The following DNAH10 variants were observed in gnomAD, a reference collection of about 807,000 sequenced individuals.
DNAH10 encodes the protein dynein axonemal heavy chain 10.
Under a neutral mutation model 506.6 loss-of-function variants are expected in DNAH10, and 348 were observed. The observed-to-expected ratio is 0.69, with a 90% CI of 0.63 to 0.75. The LOEUF is 0.75. Among genes scored for constraint, DNAH10 ranks in the 30% least tolerant of loss-of-function variants. The pLI is 0.00. For missense variants in DNAH10, 5,179 were observed against 5,787.1 expected (o/e 0.89, Z 3.41); for synonymous variants, 2,059 against 2,198.6 (o/e 0.94, Z 1.78).
chr12:123,823,955 A>G (rs986011018), intron 24 of DNAH10, among the ~76,000 whole-genome samples: 3 of 152,150 alleles, frequency 2.0e-5, no homozygotes, highest in Non-Finnish European at 4.4e-5. Flanking sequence ...GTTAAGGGAC[A>G]TTTCATCACC....
intron 45 of DNAH10, 25 bp from the exon 46 acceptor site, chr12:123,873,533 T>C (rs772277348): frequency 6.3e-7 from 1 of 1,580,096 alleles, no homozygotes; most frequent in Non-Finnish European, 8.6e-7. Context: ...AAGCTGGCTT[T>C]TCACATCATC....
At position 123,926,742 on chromosome 12, in the gene DNAH10, T is replaced by C; in HGVS notation, c.12027T>C (p.Asp4009=). 1.2e-6 allele frequency: 2 copies of C among 1,613,992 alleles called. No homozygotes were observed. The highest frequency in any genetic ancestry group is 1.7e-6 in the Non-Finnish European group (2 of 1,179,886). Residue 4009 remains aspartate (D), a synonymous_variant, in exon 69 of 79, where the codon GAT becomes GAC. Coordinates refer to ENST00000673944, the MANE Select transcript of DNAH10 (RefSeq NM_001372106.1). This position sits in a 1 kb window ranked among gnomAD's most constrained non-coding sequence, Gnocchi z 4.1. ...ILSPGSDPAT[D]LMKLAERSGF... is the part of the protein sequence containing the mutation. ...GTCCTGGCTCCGACCCTGCCACTGA[T>C]CTTATGAAATTAGCAGAGCGAAGTG...
rs569207200 is a variant in DNAH10, at chr12:123,919,582, C to T, written c.11506+633C>T. On this transcript the variant is annotated intron_variant, in intron 65 of 78. Coordinates refer to ENST00000673944, the MANE Select transcript of DNAH10 (RefSeq NM_001372106.1). This position sits in a 1 kb window ranked among gnomAD's most constrained non-coding sequence, Gnocchi z 4.9. ...GGCTCCGGAACGTTTCCACCAGCCC[C>T]GAAATGAAATCCCATACCCATTAGC... Among the ~76,000 whole-genome samples the T allele has an allele frequency of 5.3e-5, 8 of 152,284 alleles. No individual in the cohort carries two copies. Among genetic ancestry groups the T allele is most frequent in the South Asian group, 2.1e-4 (1 of 4,832 alleles).
At position 123,934,767 on chromosome 12, in the gene DNAH10, G is replaced by A. The variant is rs775331029; in HGVS notation, c.13623+1G>A. On this transcript the variant is annotated splice_donor_variant, in intron 78 of 78. Coordinates refer to ENST00000673944, the MANE Select transcript of DNAH10 (RefSeq NM_001372106.1). LOFTEE classifies it high-confidence loss of function. ...TGAAGCCCATCGCCTCAAGCTGCAG[G>A]TGAAGGTCCCAGCCCCTCCTCTCTG... The A allele has an allele frequency of 6.2e-7, 1 of 1,613,432 alleles. No homozygotes were observed. The highest frequency in any genetic ancestry group is 1.3e-5 in the African/African-American group (1 of 75,036).
chr12:123,852,576 CT>C (rs10713531), intron 35 of DNAH10, among the ~76,000 whole-genome samples: 6,621 of 141,884 alleles, frequency 0.047, 161 homozygotes, highest in Non-Finnish European at 0.067. Flanking sequence ...CATTTACAGC[CT>C]TTTTTTTTTT....
At chr12:123,910,286 C>T (rs372385801) in intron 58 of DNAH10, among the ~76,000 whole-genome samples, 4 of 152,184 alleles carry the variant, frequency 2.6e-5, no homozygotes, top group East Asian at 1.9e-4. Context: ...GTCTCCGTTA[C>T]GCCCTGGGTC....
At chr12:123,794,401 G>T (rs1007070609) in intron 12 of DNAH10, among the ~76,000 whole-genome samples, 11 of 152,170 alleles carry the variant, frequency 7.2e-5, no homozygotes, top group Admixed American at 5.2e-4. Context: ...CATGTCCAAG[G>T]ATCATATATG....
At chr12:123,781,929 T>A (rs2136022400) in intron 6 of DNAH10, among the ~76,000 whole-genome samples, 1 of 152,258 alleles carries the variant, frequency 6.6e-6, no homozygotes, top group Middle Eastern at 3.4e-3. Context: ...TGATGGGCCT[T>A]TGTGTGGAAT....
At chr12:123,826,443 A>G (rs1323527544) in intron 24 of DNAH10, among the ~76,000 whole-genome samples, 1 of 152,208 alleles carries the variant, frequency 6.6e-6, no homozygotes, top group Non-Finnish European at 1.5e-5. Context: ...GGGAAGATGT[A>G]TTTCTGGATC....
chr12:123,849,499 G>A (rs1417522724), intron 34 of DNAH10, among the ~76,000 whole-genome samples: 1 of 152,194 alleles, frequency 6.6e-6, no homozygotes, highest in African/African-American at 2.4e-5. Flanking sequence ...TGGCCCAGAA[G>A]GGGATTCTCT....
intron 51 of DNAH10, among the ~76,000 whole-genome samples, chr12:123,883,782 TAG>T (rs895130543): frequency 6.6e-6 from 1 of 151,938 alleles, no homozygotes; most frequent in Non-Finnish European, 1.5e-5. Context: ...TTATTCCATT[TAG>T]AGAGAGAGAG....
At position 123,775,512 on chromosome 12, in the gene DNAH10, T is replaced by C. The variant is rs150807367; in HGVS notation, c.621+1248T>C. On this transcript the variant is annotated intron_variant, in intron 5 of 78. Transcript: ENST00000673944. Reference sequence around the variant, plus strand: ...TAGGGAAGGAAGGAAGAGGTGATATTGAACTGAGACCCAAATGAGGCCAAG... The same window carrying C: ...TAGGGAAGGAAGGAAGAGGTGATATCGAACTGAGACCCAAATGAGGCCAAG... Among the ~76,000 whole-genome samples the C allele has an allele frequency of 4.6e-3, 693 of 152,300 alleles. 5 individuals are homozygous for C. The highest frequency in any genetic ancestry group is 0.016 in the African/African-American group (656 of 41,556).
In DNAH10 at chr12:123,838,589, A is replaced by T; in HGVS notation, c.5036A>T (p.Lys1679Met). ...QKSLNDYLDS[K>M]RNAFPRFFFI... ...AGCCTCAACGACTACTTAGATTCGA[A>T]GAGAAATGCTTTCCCAAGGTTCTTC... Residue 1679 changes from lysine to methionine, a missense_variant, in exon 29 of 79, where the codon AAG (lysine) becomes ATG (methionine). Lys to Met is a moderately conservative substitution (Grantham distance 95, BLOSUM62 -1). Transcript: ENST00000673944. 6.2e-7 allele frequency: 1 copy of T among 1,614,034 alleles called. No individual in the cohort carries two copies. The highest frequency in any genetic ancestry group is 8.5e-7 in the Non-Finnish European group (1 of 1,179,892).
At chr12:123,808,089 G>A (rs1411806229) in intron 18 of DNAH10, among the ~76,000 whole-genome samples, 1 of 152,172 alleles carries the variant, frequency 6.6e-6, no homozygotes, top group Admixed American at 6.5e-5. Flanking sequence ...CTGGAGTGCA[G>A]TGGCATGTTC....
rs916802093 is a variant in DNAH10 at position 123,928,096 on chromosome 12, G to A, written c.12106-291G>A. The stretch of plus-strand genomic sequence containing the variant: ...GCTCAGGAGTCCTCAGGGGACAGGA[G>A]CGACTGTGTGGGAGGAGCTGGGACT... On this transcript the variant is annotated intron_variant, in intron 69 of 78. Coordinates refer to ENST00000673944, the MANE Select transcript of DNAH10 (RefSeq NM_001372106.1). The surrounding 1 kb of genome is among the most constrained non-coding windows in gnomAD (Gnocchi z 4.9). 44 of 533,518 alleles carry A rather than the reference G, an allele frequency of 8.2e-5. No homozygotes were observed. The highest frequency in any genetic ancestry group is 8.0e-4 in the African/African-American group (42 of 52,690). 33.0% of individuals were successfully genotyped at this position (533,518 alleles called of 1,614,324 possible).
rs1457322519 is a variant in DNAH10 at position 123,893,402 on chromosome 12, G to A, written c.9165G>A (p.Gly3055=). The A allele has an allele frequency of 6.2e-7, 1 of 1,613,208 alleles. No individual in the cohort carries two copies. The highest frequency in any genetic ancestry group is 8.5e-7 in the Non-Finnish European group (1 of 1,179,900). ...LHIVLGMSPV[G]DTLRTWCRNF... Reference sequence around the variant, plus strand: ...TTGTCCTGGGCATGTCGCCAGTGGGGGACACCCTGAGGACCTGGTGCAGAA... The same window carrying A: ...TTGTCCTGGGCATGTCGCCAGTGGGAGACACCCTGAGGACCTGGTGCAGAA... Residue 3055 remains glycine (G), a synonymous_variant, in exon 53 of 79, where the codon GGG becomes GGA. Transcript: ENST00000673944.
intron 12 of DNAH10, 108 bp downstream of exon 12, chr12:123,794,220 A>G: frequency 3.3e-6 from 3 of 898,574 alleles, no homozygotes; most frequent in Non-Finnish European, 4.1e-6. Flanking sequence ...CAGAGAAACT[A>G]GAATTTTCCC....
In DNAH10 at chr12:123,785,884, T is replaced by C. The variant is rs766553703; in HGVS notation, c.1369T>C (p.Trp457Arg). The C allele has an allele frequency of 6.2e-7, 1 of 1,614,130 alleles. No homozygotes were observed. Among genetic ancestry groups the C allele is most frequent in the Non-Finnish European group, 8.5e-7 (1 of 1,179,972 alleles). Residue 457 changes from tryptophan to arginine, a missense_variant, in exon 9 of 79, where the codon TGG becomes CGG. By Grantham distance (101) the Trp-to-Arg change is moderately radical. Coordinates refer to ENST00000673944, the MANE Select transcript of DNAH10 (RefSeq NM_001372106.1). The surrounding 1 kb of genome is among the most constrained non-coding windows in gnomAD (Gnocchi z 4.1). ...RMIPLMERIA[W>R]EIAERVCRVV... Reference sequence around the variant, plus strand: ...GATTCCGCTCATGGAGCGCATCGCCTGGGAAATCGCTGAGAGAGTCTGCCG... The same window carrying C: ...GATTCCGCTCATGGAGCGCATCGCCCGGGAAATCGCTGAGAGAGTCTGCCG...
intron 43 of DNAH10, 151 bp from the exon 44 acceptor site, chr12:123,870,215 C>G: frequency 1.0e-6 from 1 of 997,710 alleles, no homozygotes; most frequent in Non-Finnish European, 1.4e-6. Context: ...TCAAGGTACT[C>G]GGTATCTGTC....
Sources: allele counts gnomAD v4.1 joint callset (sites outside exome capture counted in the v4.1 genomes callset), GRCh38; gene constraint gnomAD v4.1.1; non-coding constraint Gnocchi (gnomAD v3.1); transcripts MANE v1.5; gene names NCBI Gene and HGNC (gene_info 2026-07-23, HGNC 2026-07-21).